PTPRN2: variants seen among roughly 807,000 people sequenced by gnomAD.
PTPRN2 encodes the protein receptor-type tyrosine-protein phosphatase N2.
Under a neutral mutation model 118.8 loss-of-function variants are expected in PTPRN2, and 74 were observed. The observed-to-expected ratio is 0.62, with a 90% CI of 0.52 to 0.76. PTPRN2 has a LOEUF of 0.76. Ranked by LOEUF, PTPRN2 falls within the 30% of genes least tolerant of loss-of-function variation. PTPRN2 has a pLI of 0.00. For missense variants in PTPRN2, 1,481 were observed against 1,394.4 expected, an observed-to-expected ratio of 1.06 and a Z score of -0.99; for synonymous variants, 641 against 608.0, an observed-to-expected ratio of 1.05 and a Z score of -0.80.
intron 9 of PTPRN2, 26 bp downstream of exon 9, chr7:158,133,651 G>A: frequency 6.5e-7 from 1 of 1,537,248 alleles, no homozygotes; most frequent in South Asian, 1.2e-5. Context: ...TCGGCACACA[G>A]GAGCTTAGCC....
At chr7:157,985,609 A>C (rs967479523) in intron 11 of PTPRN2, among the ~76,000 whole-genome samples, 8 of 152,188 alleles carry the variant, frequency 5.3e-5, no homozygotes, top group Non-Finnish European at 1.2e-4. Flanking sequence ...GACTATACGG[A>C]TAGGGTTTAA....
intron 10 of PTPRN2, among the ~76,000 whole-genome samples, chr7:158,092,754 G>A (rs1291944583): frequency 6.6e-6 from 1 of 152,122 alleles, no homozygotes; most frequent in Non-Finnish European, 1.5e-5. Flanking sequence ...GGTAAAACCT[G>A]GAAGAGCTCA....
At chr7:157,897,834 T>G (rs973159488) in intron 12 of PTPRN2, among the ~76,000 whole-genome samples, 5 of 152,270 alleles carry the variant, frequency 3.3e-5, no homozygotes, top group Non-Finnish European at 7.3e-5. Context: ...CACTCATAAA[T>G]AAGCGCTCCT....
chr7:157,725,736 A>T (rs1242790), intron 12 of PTPRN2, among the ~76,000 whole-genome samples: 1 of 24,274 alleles, frequency 4.1e-5, no homozygotes, highest in East Asian at 1.0e-3. Context: ...CCAGACCCTC[A>T]CCTCCCAGGA....
chr7:158,099,059 C>T (rs376371519), intron 10 of PTPRN2, among the ~76,000 whole-genome samples: 31 of 20,198 alleles, frequency 1.5e-3, no homozygotes, highest in East Asian at 7.2e-3. Flanking sequence ...CCGGCTGCCT[C>T]CCCTTCCTCC....
chr7:157,715,788 A>G (rs944981347), intron 12 of PTPRN2, among the ~76,000 whole-genome samples: 8 of 152,242 alleles, frequency 5.3e-5, no homozygotes, highest in African/African-American at 1.9e-4. Context: ...CATCTTCAGC[A>G]ATGCCTGTCA....
chr7:157,866,563 G>A (rs941087170), intron 12 of PTPRN2, among the ~76,000 whole-genome samples: 7 of 152,064 alleles, frequency 4.6e-5, no homozygotes, highest in African/African-American at 1.7e-4. Context: ...TGACAACCAT[G>A]AGGTCTGCAG....
At chr7:158,042,134 T>A (rs1808513939) in intron 11 of PTPRN2, among the ~76,000 whole-genome samples, 1 of 152,174 alleles carries the variant, frequency 6.6e-6, no homozygotes, top group Non-Finnish European at 1.5e-5. Context: ...CATCTCGTGA[T>A]GCAATGCACC....
intron 21 of PTPRN2, among the ~76,000 whole-genome samples, chr7:157,562,652 A>C (rs1799248323): frequency 6.6e-6 from 1 of 151,882 alleles, no homozygotes; most frequent in African/African-American, 2.4e-5. Flanking sequence ...CACCACACAC[A>C]GCAGATCAGG....
chr7:157,789,848 G>A (rs1258439081), intron 12 of PTPRN2, among the ~76,000 whole-genome samples: 1 of 149,386 alleles, frequency 6.7e-6, no homozygotes, highest in Non-Finnish European at 1.5e-5. Flanking sequence ...AGTATATGTG[G>A]TGTGATGTGT....
At chr7:158,033,512 C>T (rs917135611) in intron 11 of PTPRN2, among the ~76,000 whole-genome samples, 1 of 152,100 alleles carries the variant, frequency 6.6e-6, no homozygotes, top group African/African-American at 2.4e-5. Context: ...GCTGTCCACA[C>T]CAAAAAGACC....
intron 3 of PTPRN2, among the ~76,000 whole-genome samples, chr7:158,273,405 G>A (rs1179524926): frequency 7.2e-6 from 1 of 138,914 alleles, no homozygotes; most frequent in Non-Finnish European, 1.6e-5. Context: ...GACACGGGAG[G>A]AGCCGCAGAC....
At chr7:158,176,327 C>T (rs73173677) in intron 5 of PTPRN2, among the ~76,000 whole-genome samples, 19 of 152,246 alleles carry the variant, frequency 1.2e-4, no homozygotes, top group African/African-American at 2.4e-4. Context: ...AGGCTGTTTT[C>T]GGCTTTACAT....
Position 157,785,517 on chromosome 7 carries a change from G to A in PTPRN2, c.1789-102580C>T, listed in dbSNP as rs1413771553. 1.3e-5 allele frequency among the ~76,000 whole-genome samples: 2 copies of A among 152,208 alleles called. No individual in the cohort carries two copies. Among genetic ancestry groups the A allele is most frequent in the Non-Finnish European group, 2.9e-5 (2 of 68,032 alleles). ...GGGCAGGCCTCCCCAGGACCAGAGC[G>A]CCTGCGACCTGCCTGGGTGCCATCC... On this transcript the variant is annotated intron_variant, in intron 12 of 22. Coordinates refer to ENST00000389418, the MANE Select transcript of PTPRN2 (RefSeq NM_002847.5). This position sits in a 1 kb window ranked among gnomAD's most constrained non-coding sequence, Gnocchi z 7.3.
At chr7:158,482,056 CTGAAGA>C (rs1403798943) in intron 2 of PTPRN2, among the ~76,000 whole-genome samples, 4 of 152,128 alleles carry the variant, frequency 2.6e-5, no homozygotes, top group Non-Finnish European at 5.9e-5. Flanking sequence ...GCAGAGCTGC[CTGAAGA>C]TGTGACCAAA....
chr7:158,140,810 C>T (rs535630037), intron 6 of PTPRN2, among the ~76,000 whole-genome samples: 18 of 152,322 alleles, frequency 1.2e-4, no homozygotes, highest in African/African-American at 4.3e-4. Context: ...TGTATACTCC[C>T]CCTCAACAGC....
At position 158,110,821 on chromosome 7, in the gene PTPRN2, G is replaced by A. The variant is rs567299123; in HGVS notation, c.1643+8C>T. ...AGCCAAACAGAAACCCCAGGGCCCC[G>A]TACTTACTCCACGTCAGCGAACGCA... On this transcript the variant is annotated splice_region_variant and intron_variant, in intron 10 of 22. Transcript: ENST00000389418. 1.8e-5 allele frequency: 29 copies of A among 1,576,600 alleles called. No individual in the cohort carries two copies. Among genetic ancestry groups the A allele is most frequent in the South Asian group, 1.0e-4 (9 of 86,154 alleles).
Position 157,929,909 on chromosome 7 carries a change from TG to T in PTPRN2, c.1724-31173del, listed in dbSNP as rs1462493688. 1.3e-5 allele frequency among the ~76,000 whole-genome samples: 2 copies of T among 152,110 alleles called. No individual in the cohort carries two copies. The highest frequency in any genetic ancestry group is 2.4e-5 in the African/African-American group (1 of 41,410). ...GCCCCCACCAACGCGCTGGCTGCCT[TG>T]GGGCCAGGCATGAAGCGAATTCAGT... On this transcript the variant is annotated intron_variant, in intron 11 of 22. Coordinates refer to ENST00000389418, the MANE Select transcript of PTPRN2 (RefSeq NM_002847.5). The surrounding 1 kb of genome is among the most constrained non-coding windows in gnomAD (Gnocchi z 4.4).
intron 12 of PTPRN2, among the ~76,000 whole-genome samples, chr7:157,685,670 ACGCGCGGGAGCGG>A (rs2150818400): frequency 6.6e-6 from 1 of 152,264 alleles, no homozygotes; most frequent in East Asian, 1.9e-4. Flanking sequence ...CACGCTCCGC[ACGCGCGGGAGCGG>A]AACCGGGCCT....
Sources: allele counts gnomAD v4.1 joint callset (sites outside exome capture counted in the v4.1 genomes callset), GRCh38; gene constraint gnomAD v4.1.1; non-coding constraint Gnocchi (gnomAD v3.1); transcripts MANE v1.5; gene names NCBI Gene and HGNC (gene_info 2026-07-23, HGNC 2026-07-21).